NEGR1: variants seen among roughly 807,000 people sequenced by gnomAD.
The protein encoded by NEGR1 is neuronal growth regulator 1, also known as IgLON family member 4.
A neutral mutation model predicts 40.9 loss-of-function variants in NEGR1; 10 were observed. The ratio of observed to expected loss-of-function variants is 0.24; its 90% confidence interval spans 0.15 to 0.42. NEGR1 has a LOEUF of 0.42. Ranked by LOEUF, NEGR1 falls within the 10% of genes least tolerant of loss-of-function variation. The pLI, the probability that NEGR1 is intolerant of heterozygous loss-of-function variation, is 1.00. For synonymous variants in NEGR1, 185 were observed against 166.8 expected, an observed-to-expected ratio of 1.11 and a Z score of -0.84; for missense variants, 352 against 438.9, an observed-to-expected ratio of 0.80 and a Z score of 1.77.
At chr1:71,691,026 A>C (rs534941540) in intron 4 of NEGR1, among the ~76,000 whole-genome samples, 1 of 152,110 alleles carries the variant, frequency 6.6e-6, no homozygotes, top group Admixed American at 6.6e-5. Context: ...CAAAAGGCAA[A>C]AGATCACTCA....
chr1:71,640,403 C>T (rs1570139632), intron 4 of NEGR1, among the ~76,000 whole-genome samples: 1 of 151,988 alleles, frequency 6.6e-6, no homozygotes, highest in African/African-American at 2.4e-5. Flanking sequence ...CGGAATTATT[C>T]CCCTTCATAC....
At chr1:72,072,084 T>C (rs1557512315) in intron 1 of NEGR1, among the ~76,000 whole-genome samples, 1 of 152,134 alleles carries the variant, frequency 6.6e-6, no homozygotes, top group Non-Finnish European at 1.5e-5. Context: ...ACTTTCCTAC[T>C]TCCACACATG....
chr1:71,462,927 G>A (rs2101345928), intron 6 of NEGR1, among the ~76,000 whole-genome samples: 1 of 152,240 alleles, frequency 6.6e-6, no homozygotes, highest in South Asian at 2.1e-4. Context: ...GAGGGGAAAG[G>A]AATAGTAAGA....
chr1:71,433,871 T>C (rs1398092948), intron 6 of NEGR1, among the ~76,000 whole-genome samples: 1 of 152,234 alleles, frequency 6.6e-6, no homozygotes, highest in African/African-American at 2.4e-5. Context: ...TTCTCTATGT[T>C]TCAAAATAAT....
intron 1 of NEGR1, among the ~76,000 whole-genome samples, chr1:72,050,212 A>G (rs903838737): frequency 6.6e-6 from 1 of 151,652 alleles, no homozygotes; most frequent in Admixed American, 6.6e-5. Flanking sequence ...TGTTAAAAAT[A>G]TGTTGGGAAA....
intron 2 of NEGR1, among the ~76,000 whole-genome samples, chr1:71,925,376 C>T (rs1348621989): frequency 1.3e-5 from 2 of 152,284 alleles, no homozygotes; most frequent in East Asian, 1.9e-4. Context: ...CCGAATCTTT[C>T]CACTTCTAAC....
intron 1 of NEGR1, among the ~76,000 whole-genome samples, chr1:72,006,454 G>T (rs1419386311): frequency 6.6e-6 from 1 of 152,072 alleles, no homozygotes; most frequent in African/African-American, 2.4e-5. Context: ...TCCTCTATAA[G>T]TGTCAGTGCC....
At chr1:71,862,924 T>G (rs939614221) in intron 2 of NEGR1, among the ~76,000 whole-genome samples, 1 of 152,036 alleles carries the variant, frequency 6.6e-6, no homozygotes, top group Non-Finnish European at 1.5e-5. Flanking sequence ...GTCAGAATGC[T>G]GATTATTAAA....
chr1:71,582,605 G>A (rs530359325), intron 6 of NEGR1, among the ~76,000 whole-genome samples: 1 of 152,170 alleles, frequency 6.6e-6, no homozygotes, highest in East Asian at 1.9e-4. Context: ...GATTCTCTGG[G>A]GGAAACAAAG....
Position 71,695,339 on chromosome 1 carries a change from AT to A in NEGR1, c.667+2668del, listed in dbSNP as rs1314527253. Among the ~76,000 whole-genome samples the A allele has an allele frequency of 2.6e-5, 4 of 151,838 alleles. No individual in the cohort carries two copies. The East Asian group carries it at 5.8e-4, about 22-fold the overall frequency. Reference sequence around the variant, plus strand: ...CAGGGAGAAGCAAATGGCAAAACTGATTGTTTAAATCATTTGAAAATCCTGT... The same window carrying A: ...CAGGGAGAAGCAAATGGCAAAACTGATGTTTAAATCATTTGAAAATCCTGT... On this transcript the variant is annotated intron_variant, in intron 4 of 6. Transcript: ENST00000357731.
At chr1:72,059,103 T>G (rs1647141648) in intron 1 of NEGR1, among the ~76,000 whole-genome samples, 1 of 151,730 alleles carries the variant, frequency 6.6e-6, no homozygotes. Flanking sequence ...TTTCCATTTT[T>G]CTTGTTGCTT....
At chr1:71,454,950 G>A (rs533383345) in intron 6 of NEGR1, among the ~76,000 whole-genome samples, 1 of 152,246 alleles carries the variant, frequency 6.6e-6, no homozygotes, top group African/African-American at 2.4e-5. Context: ...TAACCTGGGG[G>A]TTGGCATACT....
At chr1:71,627,099 G>A (rs2101559926) in intron 4 of NEGR1, among the ~76,000 whole-genome samples, 2 of 152,196 alleles carry the variant, frequency 1.3e-5, no homozygotes, top group South Asian at 4.2e-4. Context: ...GATTCCTCAG[G>A]GATCTAGAGC....
chr1:72,004,219 T>A (rs1283491928), intron 1 of NEGR1, among the ~76,000 whole-genome samples: 3 of 152,120 alleles, frequency 2.0e-5, no homozygotes, highest in African/African-American at 7.2e-5. Flanking sequence ...CGTACATATA[T>A]ATATATTTGT....
At chr1:71,645,860 G>A (rs1651511344) in intron 4 of NEGR1, among the ~76,000 whole-genome samples, 2 of 151,794 alleles carry the variant, frequency 1.3e-5, no homozygotes. Flanking sequence ...TGATTGGGAA[G>A]TTCCATATTT....
At chr1:72,016,445 G>C (rs1260449919) in intron 1 of NEGR1, among the ~76,000 whole-genome samples, 1 of 152,124 alleles carries the variant, frequency 6.6e-6, no homozygotes, top group Non-Finnish European at 1.5e-5. Flanking sequence ...CCACACTCTA[G>C]CTCCTACACT....
chr1:71,597,412 T>TATA (rs1553152605), intron 5 of NEGR1, among the ~76,000 whole-genome samples: 17 of 120,556 alleles, frequency 1.4e-4, no homozygotes, highest in East Asian at 7.0e-4. Flanking sequence ...GGAGTTTTAT[T>TATA]TATATATATA....
intron 2 of NEGR1, among the ~76,000 whole-genome samples, chr1:71,861,418 T>C (rs527451084): frequency 2.0e-5 from 3 of 152,106 alleles, no homozygotes; most frequent in African/African-American, 4.8e-5. Context: ...GTCCCTTCCA[T>C]GGGCAAGGCT....
intron 1 of NEGR1, among the ~76,000 whole-genome samples, chr1:72,200,213 T>G (rs572108722): frequency 6.6e-6 from 1 of 152,098 alleles, no homozygotes; most frequent in East Asian, 1.9e-4. Flanking sequence ...AAAAGTCACA[T>G]GCACTATGTG....
Sources: allele counts gnomAD v4.1 joint callset (sites outside exome capture counted in the v4.1 genomes callset), GRCh38; gene constraint gnomAD v4.1.1; transcripts MANE v1.5; gene names NCBI Gene and HGNC (gene_info 2026-07-23, HGNC 2026-07-21).